Variants in DPYD observed in about 807,000 individuals in gnomAD.
The protein encoded by DPYD is dihydropyrimidine dehydrogenase [NADP(+)].
A neutral mutation model predicts 116.2 loss-of-function variants in DPYD; 109 were observed. The observed-to-expected ratio is 0.94, with a 90% CI of 0.80 to 1.10. DPYD has a LOEUF of 1.10. DPYD is among the 50% of genes least tolerant of loss of function. DPYD has a pLI of 0.00. For missense variants in DPYD, 1,302 were observed against 1,254.5 expected, an observed-to-expected ratio of 1.04 and a Z score of -0.57; for synonymous variants, 440 against 432.0, an observed-to-expected ratio of 1.02 and a Z score of -0.23.
At chr1:97,639,607 A>G (rs909603784) in intron 8 of DPYD, among the ~76,000 whole-genome samples, 4 of 152,158 alleles carry the variant, frequency 2.6e-5, no homozygotes, top group African/African-American at 7.2e-5. Flanking sequence ...GTGATGTGCT[A>G]TATCAAATAA....
Position 97,777,045 on chromosome 1 carries a change from T to A in DPYD, c.234-36566A>T, listed in dbSNP as rs116253287. Among the ~76,000 whole-genome samples, 999 of 152,278 alleles carry A rather than the reference T, an allele frequency of 6.6e-3. 13 individuals are homozygous for A. The highest frequency in any genetic ancestry group is 0.023 in the African/African-American group (940 of 41,558). The stretch of plus-strand genomic sequence containing the variant: ...TAAGTGAAATTATCTAAAAATACTA[T>A]AGGAAGTGTGGATATCATTTACCAT... On this transcript the variant is annotated intron_variant, in intron 3 of 22. Transcript: ENST00000370192.
chr1:97,690,623 T>C (rs1660964175), intron 7 of DPYD, among the ~76,000 whole-genome samples: 1 of 152,132 alleles, frequency 6.6e-6, no homozygotes, highest in African/African-American at 2.4e-5. Context: ...ATCATTTCCA[T>C]ATTTGATGAG....
chr1:97,548,743 A>G (rs1416785020), intron 12 of DPYD, among the ~76,000 whole-genome samples: 7 of 152,150 alleles, frequency 4.6e-5, no homozygotes, highest in Admixed American at 3.9e-4. Flanking sequence ...CTCAAAAAAT[A>G]TAAAAAAATT....
chr1:97,276,196 C>T (rs1360039222), intron 18 of DPYD, among the ~76,000 whole-genome samples: 1 of 152,052 alleles, frequency 6.6e-6, no homozygotes, highest in Non-Finnish European at 1.5e-5. Context: ...GGCTGATGTC[C>T]AGAATGGTGT....
intron 13 of DPYD, among the ~76,000 whole-genome samples, chr1:97,480,632 A>G (rs575688585): frequency 2.0e-5 from 3 of 152,334 alleles, no homozygotes; most frequent in Admixed American, 1.3e-4. Flanking sequence ...GCATTATTTA[A>G]TGTTTAACCT....
chr1:97,150,247 GT>G (rs1408813652), intron 20 of DPYD, among the ~76,000 whole-genome samples: 6 of 148,726 alleles, frequency 4.0e-5, no homozygotes, highest in African/African-American at 1.5e-4. Flanking sequence ...TCCTGCAAAT[GT>G]TTAGTACACA....
At chr1:97,774,784 G>C (rs1006054118) in intron 3 of DPYD, 3 of 176,206 alleles carry the variant, frequency 1.7e-5, no homozygotes, top group African/African-American at 7.2e-5. Flanking sequence ...GAAGTAGTTG[G>C]TAACTGGGAA....
chr1:97,820,029 G>A (rs1365584379), intron 3 of DPYD, among the ~76,000 whole-genome samples: 2 of 152,024 alleles, frequency 1.3e-5, no homozygotes, highest in African/African-American at 2.4e-5. Context: ...CTTATTCAGA[G>A]GAACAAAATT....
chr1:97,505,936 C>A (rs1647292640), intron 13 of DPYD, among the ~76,000 whole-genome samples: 1 of 151,848 alleles, frequency 6.6e-6, no homozygotes, highest in Admixed American at 6.6e-5. Flanking sequence ...GTGAAAGAAG[C>A]AGATGAGGCA....
At chr1:97,275,084 C>A (rs1459945582) in intron 18 of DPYD, among the ~76,000 whole-genome samples, 2 of 151,992 alleles carry the variant, frequency 1.3e-5, no homozygotes, top group Non-Finnish European at 2.9e-5. Context: ...GCAAGAGCAA[C>A]CTTGGCATTA....
intron 3 of DPYD, among the ~76,000 whole-genome samples, chr1:97,761,822 G>A (rs1430120524): frequency 6.6e-6 from 1 of 152,092 alleles, no homozygotes; most frequent in Non-Finnish European, 1.5e-5. Context: ...ATACTATGCA[G>A]CCATGAAAAA....
At chr1:97,149,287 T>C (rs771681133) in intron 20 of DPYD, among the ~76,000 whole-genome samples, 1 of 152,204 alleles carries the variant, frequency 6.6e-6, no homozygotes, top group Non-Finnish European at 1.5e-5. Flanking sequence ...AGTCTCGCTC[T>C]GTCACCCACG....
intron 3 of DPYD, among the ~76,000 whole-genome samples, chr1:97,820,692 T>C (rs1294621877): frequency 1.3e-5 from 2 of 152,176 alleles, no homozygotes; most frequent in Non-Finnish European, 2.9e-5. Flanking sequence ...CGAAAAAGAA[T>C]ACATTTCAGA....
At chr1:97,150,954 G>C (rs1654968232) in intron 20 of DPYD, among the ~76,000 whole-genome samples, 1 of 152,122 alleles carries the variant, frequency 6.6e-6, no homozygotes, top group African/African-American at 2.4e-5. Context: ...TGTTGGTCTG[G>C]AAACACCAGA....
At chr1:97,712,417 G>A (rs182588326) in intron 5 of DPYD, among the ~76,000 whole-genome samples, 8 of 151,606 alleles carry the variant, frequency 5.3e-5, no homozygotes, top group African/African-American at 1.2e-4. Context: ...TAAACTCACC[G>A]TTGATTTTTT....
At chr1:97,724,953 AAGAGAGAGAGAG>A (rs71590231) in intron 4 of DPYD, among the ~76,000 whole-genome samples, 6 of 118,912 alleles carry the variant, frequency 5.0e-5, no homozygotes, top group Non-Finnish European at 8.5e-5. Context: ...GAGGGAAGGA[AAGAGAGAGAGAG>A]AGAGAGAGAG....
chr1:97,631,881 A>C (rs1028916245), intron 8 of DPYD, among the ~76,000 whole-genome samples: 1 of 152,066 alleles, frequency 6.6e-6, no homozygotes, highest in East Asian at 1.9e-4. Context: ...TATGGATGAC[A>C]CAGTTATAGT....
chr1:97,210,002 G>A (rs1659932610), intron 19 of DPYD, among the ~76,000 whole-genome samples: 1 of 152,072 alleles, frequency 6.6e-6, no homozygotes, highest in South Asian at 2.1e-4. Flanking sequence ...TCTTTCTTCT[G>A]ATTATGTGGG....
In DPYD at chr1:97,183,900, G is replaced by A. The variant is rs1051166380; in HGVS notation, c.2622+9169C>T. On this transcript the variant is annotated intron_variant, in intron 20 of 22. Transcript: ENST00000370192. ...AGTGCCCAGTAGTTATTTTTTTCCTGATCCTCTCCCTCCTTGCACCTTCCA... is the reference window on the plus strand; with the variant it reads ...AGTGCCCAGTAGTTATTTTTTTCCTAATCCTCTCCCTCCTTGCACCTTCCA... Among the ~76,000 whole-genome samples, 6 of 151,904 alleles carry A rather than the reference G, an allele frequency of 3.9e-5. No individual in the cohort carries two copies. The South Asian group carries it at 8.3e-4, about 21-fold the overall frequency.
Sources: gnomAD v4.1 joint callset for allele counts (sites outside exome capture counted in the v4.1 genomes callset) on GRCh38, gnomAD v4.1.1 for gene constraint, MANE v1.5 for transcripts, NCBI Gene and HGNC (gene_info 2026-07-23, HGNC 2026-07-21) for gene names.